Variants in TRIO observed in about 807,000 individuals in gnomAD.
TRIO encodes the protein trio Rho guanine nucleotide exchange factor.
TRIO carries 58 observed loss-of-function variants against 351.9 expected under a neutral mutation model. The ratio of observed to expected loss-of-function variants is 0.16; its 90% confidence interval spans 0.13 to 0.21. TRIO has a LOEUF of 0.21. TRIO is among the 10% of genes least tolerant of loss of function. The probability of loss-of-function intolerance (pLI) is 1.00; values close to 1 mark genes in which losing one functional copy is unlikely to be tolerated. For synonymous variants in TRIO, 1,758 were observed against 1,595.7 expected (o/e 1.10, Z -2.42); for missense variants, 3,201 against 4,027.8 (o/e 0.79, Z 5.56).
At chr5:14,501,966 TC>T (rs1470275115) in intron 53 of TRIO, among the ~76,000 whole-genome samples, 2 of 152,234 alleles carry the variant, frequency 1.3e-5, no homozygotes, top group South Asian at 4.1e-4. Flanking sequence ...TGCTTTCTGT[TC>T]CTGTGGACAT....
intron 36 of TRIO, among the ~76,000 whole-genome samples, chr5:14,463,643 A>G (rs537025891): frequency 6.6e-6 from 1 of 151,978 alleles, no homozygotes; most frequent in African/African-American, 2.4e-5. Flanking sequence ...GTGCCCCTCA[A>G]AATCATGCTA....
intron 34 of TRIO, among the ~76,000 whole-genome samples, chr5:14,446,261 C>T (rs372798228): frequency 2.0e-5 from 3 of 152,100 alleles, no homozygotes; most frequent in African/African-American, 7.2e-5. Flanking sequence ...CTTAGAAAGC[C>T]GCCTTCTCCC....
At chr5:14,328,408 G>T (rs10054645) in intron 9 of TRIO, among the ~76,000 whole-genome samples, 1 of 151,988 alleles carries the variant, frequency 6.6e-6, no homozygotes, top group Non-Finnish European at 1.5e-5. Flanking sequence ...AAAACAATGC[G>T]CCCAATATGC....
chr5:14,284,814 C>A (rs1561291078), intron 3 of TRIO, among the ~76,000 whole-genome samples: 1 of 152,216 alleles, frequency 6.6e-6, no homozygotes, highest in Non-Finnish European at 1.5e-5. Flanking sequence ...GTTTTACAAT[C>A]TCCTGTCTTT....
intron 55 of TRIO, among the ~76,000 whole-genome samples, chr5:14,505,147 T>G (rs1757580582): frequency 6.6e-6 from 1 of 152,222 alleles, no homozygotes; most frequent in Non-Finnish European, 1.5e-5. Context: ...CTGTGTAAGA[T>G]CAGAAAATAA....
Position 14,286,842 on chromosome 5 carries a change from G to A in TRIO, c.348-29G>A, listed in dbSNP as rs376025689. 3.2e-5 allele frequency: 52 copies of A among 1,600,906 alleles called. No individual in the cohort carries two copies. In the African/African-American group the frequency reaches 3.6e-4, roughly 11 times the overall value. ...GGCAGAGTGGCAAGAGATGTAACCC[G>A]TCTTCAGCCATGTTTTCTTTCTCTG... On this transcript the variant is annotated intron_variant, in intron 3 of 56. Transcript: ENST00000344204. The surrounding 1 kb of genome is among the most constrained non-coding windows in gnomAD (Gnocchi z 4.4).
chr5:14,356,581 G>C (rs777133636), intron 11 of TRIO, among the ~76,000 whole-genome samples: 3 of 152,154 alleles, frequency 2.0e-5, no homozygotes, highest in Non-Finnish European at 4.4e-5. Flanking sequence ...CTTAAGTTAA[G>C]CATACACCTG....
At chr5:14,355,580 T>C (rs1352227085) in intron 11 of TRIO, among the ~76,000 whole-genome samples, 3 of 152,246 alleles carry the variant, frequency 2.0e-5, no homozygotes, top group Non-Finnish European at 4.4e-5. Context: ...CTAAATCTTA[T>C]AATACTGTTA....
Position 14,439,882 on chromosome 5 carries a change from G to A in TRIO, c.5203+19861G>A, listed in dbSNP as rs554769298. Reference sequence around the variant, plus strand: ...GAGCGCCTGAGACAGTTTTCTCTGGGTGCCCTGGATATAGCATCTTGATTT... The same window carrying A: ...GAGCGCCTGAGACAGTTTTCTCTGGATGCCCTGGATATAGCATCTTGATTT... On this transcript the variant is annotated intron_variant, in intron 34 of 56. Coordinates refer to ENST00000344204, the MANE Select transcript of TRIO (RefSeq NM_007118.4). Among the ~76,000 whole-genome samples, 34 of 152,316 alleles carry A rather than the reference G, an allele frequency of 2.2e-4. No homozygotes were observed. In the East Asian group the frequency reaches 5.8e-3, roughly 26 times the overall value.
intron 1 of TRIO, among the ~76,000 whole-genome samples, chr5:14,259,836 G>A (rs1463192378): frequency 6.6e-6 from 1 of 151,942 alleles, no homozygotes; most frequent in South Asian, 2.1e-4. Context: ...CTCTTACGGG[G>A]GTTCTTAGAC....
intron 37 of TRIO, among the ~76,000 whole-genome samples, chr5:14,467,231 A>G (rs966114963): frequency 3.9e-5 from 6 of 152,236 alleles, no homozygotes; most frequent in Non-Finnish European, 8.8e-5. Flanking sequence ...AAATCAGAGT[A>G]TACTTCTTTA....
In TRIO at chr5:14,336,634, G is replaced by C; in HGVS notation, c.1953G>C (p.Gln651His). The C allele has an allele frequency of 1.2e-6, 2 of 1,614,218 alleles. No individual in the cohort carries two copies. ...AAGAGATTTATCAGGCTGCCCATCAGCTGGAAGACCGGATTCAAGATTTCG... is the reference window on the plus strand; with the variant it reads ...AAGAGATTTATCAGGCTGCCCATCACCTGGAAGACCGGATTCAAGATTTCG... The part of the protein sequence containing the change: ...DPEEIYQAAH[Q>H]LEDRIQDFVR... Residue 651 changes from glutamine (Q) to histidine (H), a missense_variant, in exon 11 of 57, where the codon CAG becomes CAC. Around this residue, in one of 19 missense-constraint regions of TRIO, gnomAD observed 363 missense variants for 553.5 expected, o/e 0.66. Coordinates refer to ENST00000344204, the MANE Select transcript of TRIO (RefSeq NM_007118.4).
chr5:14,351,593 G>A lies in TRIO; in HGVS notation c.2047-6585G>A, dbSNP rs116195377. Among the ~76,000 whole-genome samples, 139 of 152,298 alleles carry A rather than the reference G, an allele frequency of 9.1e-4. 2 individuals carry two copies. Among genetic ancestry groups the A allele is most frequent in the African/African-American group, 3.3e-3 (136 of 41,560 alleles). The stretch of plus-strand genomic sequence containing the variant: ...TATAGAAGTTGAATACTTCACACGT[G>A]GATTCTCACTCCGGCTTCCCAGTTA... On this transcript the variant is annotated intron_variant, in intron 11 of 56. Coordinates refer to ENST00000344204, the MANE Select transcript of TRIO (RefSeq NM_007118.4).
intron 15 of TRIO, 139 bp from the exon 16 acceptor site, chr5:14,366,721 T>G: frequency 7.9e-7 from 1 of 1,273,286 alleles, no homozygotes; most frequent in East Asian, 2.4e-5. Context: ...TTGCCTGGAT[T>G]TTAGGATGAT....
intron 5 of TRIO, 105 bp downstream of exon 5, chr5:14,291,333 C>T (rs561922880): frequency 3.3e-6 from 4 of 1,205,454 alleles, no homozygotes; most frequent in Non-Finnish European, 4.6e-6. Flanking sequence ...AGGCTATACT[C>T]ACCGTGTGTG....
intron 33 of TRIO, among the ~76,000 whole-genome samples, chr5:14,414,627 T>TA (rs199821134): frequency 8.0e-5 from 12 of 150,284 alleles, no homozygotes; most frequent in East Asian, 1.9e-4. Flanking sequence ...TAATTGTGGT[T>TA]AAAAAAAAAA....
intron 37 of TRIO, 77 bp from the exon 38 acceptor site, chr5:14,471,241 G>A: frequency 1.4e-6 from 2 of 1,423,116 alleles, no homozygotes; most frequent in Non-Finnish European, 1.9e-6. Context: ...TCTGACTTTG[G>A]GTATTTTCTT....
chr5:14,453,443 C>T (rs1254901257), intron 34 of TRIO, among the ~76,000 whole-genome samples: 1 of 152,172 alleles, frequency 6.6e-6, no homozygotes, highest in African/African-American at 2.4e-5. Context: ...GTGATGAAAC[C>T]TAATTCTCAT....
intron 1 of TRIO, among the ~76,000 whole-genome samples, chr5:14,199,195 CAAAAA>C (rs58856067): frequency 6.7e-5 from 5 of 74,234 alleles, no homozygotes; most frequent in African/African-American, 1.4e-4. Context: ...GAGTGGGACT[CAAAAA>C]AAAAAAAAAA....
Sources: gnomAD v4.1 joint callset for allele counts (sites outside exome capture counted in the v4.1 genomes callset) on GRCh38, gnomAD v4.1.1 for gene constraint, gnomAD v4.1.1 regional missense constraint, Gnocchi (gnomAD v3.1) non-coding constraint, MANE v1.5 for transcripts, NCBI Gene and HGNC (gene_info 2026-07-23, HGNC 2026-07-21) for gene names.